BCR: variants seen among roughly 807,000 people sequenced by gnomAD.
BCR encodes the protein breakpoint cluster region protein.
In BCR, 58 loss-of-function variants were observed where a neutral mutation model predicts 138.6. That is an observed-to-expected ratio of 0.42 (90% CI 0.34 to 0.52). The LOEUF is 0.52. Ranked by LOEUF, BCR falls within the 20% of genes least tolerant of loss-of-function variation. The pLI is 0.06. For missense variants in BCR, 1,599 were observed against 1,727.2 expected (o/e 0.93, Z 1.32); for synonymous variants, 786 against 730.1 (o/e 1.08, Z -1.23).
intron 19 of BCR, chr22:23,312,382 C>T (rs1215784165): frequency 4.4e-5 from 8 of 181,150 alleles, no homozygotes; most frequent in Non-Finnish European, 8.3e-5. Context: ...ACCAGGACCC[C>T]TAGAATGCCC....
At chr22:23,306,577 T>C (rs2073955914) in intron 16 of BCR, among the ~76,000 whole-genome samples, 1 of 152,124 alleles carries the variant, frequency 6.6e-6, no homozygotes, top group Non-Finnish European at 1.5e-5. Context: ...TGGAGACACG[T>C]TGGAAATTCC....
intron 2 of BCR, among the ~76,000 whole-genome samples, chr22:23,257,138 A>G (rs2073303424): frequency 6.6e-6 from 1 of 152,026 alleles, no homozygotes; most frequent in Non-Finnish European, 1.5e-5. Context: ...CTCTGCATGG[A>G]CTTGGCTGAT....
At position 23,285,196 on chromosome 22, in the gene BCR, G is replaced by A; in HGVS notation, c.2401G>A (p.Glu801Lys). Residue 801 changes from glutamate (E) to lysine (K), a missense_variant, in exon 10 of 23, where the codon GAG becomes AAG. Coordinates refer to ENST00000305877, the MANE Select transcript of BCR (RefSeq NM_004327.4). ...CCAGATCAAGAATGACATCCAGAGAGAGAAGGTGCACACCAGGGGAGCAAG... is the reference window on the plus strand; with the variant it reads ...CCAGATCAAGAATGACATCCAGAGAAAGAAGGTGCACACCAGGGGAGCAAG... ...ISQIKNDIQREKRANKGSKAT... is the reference protein window; with the variant it reads ...ISQIKNDIQRKKRANKGSKAT... 6.2e-7 allele frequency: 1 copy of A among 1,612,040 alleles called. No individual in the cohort carries two copies. Among genetic ancestry groups the A allele is most frequent in the Non-Finnish European group, 8.5e-7 (1 of 1,179,346 alleles).
At chr22:23,217,075 T>C in intron 1 of BCR, 2 of 448,258 alleles carry the variant, frequency 4.5e-6, no homozygotes, top group South Asian at 3.2e-5. Context: ...TCTCAGGGGC[T>C]CTGGTGATTG....
chr22:23,199,198 G>A lies in BCR; in HGVS notation c.1279+16959G>A, dbSNP rs763209433. On this transcript the variant is annotated intron_variant, in intron 1 of 22. Transcript: ENST00000305877. ...ACATAAGTCTGGTTTCCTCTCTCATGGCATTTCTTTAGTGGCCAGATGGTG... is the reference window on the plus strand; with the variant it reads ...ACATAAGTCTGGTTTCCTCTCTCATAGCATTTCTTTAGTGGCCAGATGGTG... 27 of 474,646 alleles carry A rather than the reference G, an allele frequency of 5.7e-5. No individual in the cohort carries two copies. The Admixed American group carries it at 6.1e-4, about 11-fold the overall frequency. The allele number at this position is 474,646 out of a possible 1,614,324, so 29.4% of individuals were successfully genotyped here. A position where few individuals can be genotyped will look rare whatever the true frequency, so the allele number is the denominator to read the frequency against.
intron 1 of BCR, among the ~76,000 whole-genome samples, chr22:23,208,193 C>G (rs1471852079): frequency 1.3e-5 from 2 of 152,184 alleles, no homozygotes; most frequent in Admixed American, 1.3e-4. Flanking sequence ...CAATTGGGCC[C>G]TCTGGCATTT....
At chr22:23,261,333 C>T in intron 3 of BCR, 22 bp from the exon 4 acceptor site, 2 of 1,604,964 alleles carry the variant, frequency 1.2e-6, no homozygotes, top group South Asian at 1.1e-5. Flanking sequence ...ACCTGTGCTA[C>T]CTCACTTGTG....
chr22:23,311,618 T>C (rs966497099), intron 18 of BCR, 79 bp from the exon 19 acceptor site: 45 of 1,307,228 alleles, frequency 3.4e-5, no homozygotes, highest in African/African-American at 8.6e-5. Context: ...CCTCCGGGTG[T>C]GCAGATATGG....
At chr22:23,240,070 A>C (rs1237482790) in intron 1 of BCR, among the ~76,000 whole-genome samples, 1 of 151,940 alleles carries the variant, frequency 6.6e-6, no homozygotes. Flanking sequence ...CTGCCTCCCA[A>C]AGTGCTGGGA....
chr22:23,311,705 G>C lies in BCR; in HGVS notation c.3191G>C (p.Arg1064Thr). The change falls in exon 19 of 23, where the codon AGG becomes ACG. Residue 1064 changes from arginine (R) to threonine (T), a missense_variant. By Grantham distance (71) the Arg-to-Thr change is moderately conservative (BLOSUM62 -1). Transcript: ENST00000305877. ...ATTCCCTCCTCCCGCAGGAGAGAGA[G>C]GTCCAAGGTGCCCTACATCGTGCGC... The part of the protein sequence containing the change: ...VKIAVVTKRE[R>T]SKVPYIVRQC... 1 of 1,607,218 alleles carries C rather than the reference G, an allele frequency of 6.2e-7. No individual in the cohort carries two copies. Among genetic ancestry groups the C allele is most frequent in the Non-Finnish European group, 8.5e-7 (1 of 1,176,748 alleles).
chr22:23,233,571 T>A (rs2072983703), intron 1 of BCR, among the ~76,000 whole-genome samples: 1 of 152,040 alleles, frequency 6.6e-6, no homozygotes, highest in South Asian at 2.1e-4. Context: ...ATGAATCATT[T>A]GAGGTCAAGA....
intron 19 of BCR, 180 bp from the exon 20 acceptor site, chr22:23,312,707 A>C (rs1330896010): frequency 1.0e-5 from 6 of 591,194 alleles, no homozygotes; most frequent in Non-Finnish European, 1.8e-5. Context: ...CACCCCTATC[A>C]ACTCTGCAGA....
intron 1 of BCR, among the ~76,000 whole-genome samples, chr22:23,189,094 A>T (rs569358359): frequency 1.8e-4 from 28 of 152,220 alleles, no homozygotes; most frequent in African/African-American, 6.7e-4. Context: ...TCCTGACCTC[A>T]GGTGATCTGC....
intron 1 of BCR, among the ~76,000 whole-genome samples, chr22:23,211,842 T>A (rs955057376): frequency 6.6e-6 from 1 of 152,078 alleles, no homozygotes; most frequent in African/African-American, 2.4e-5. Context: ...CCTCCAGGGG[T>A]AGGGGCTGGT....
intron 1 of BCR, among the ~76,000 whole-genome samples, chr22:23,250,560 G>A (rs2073213120): frequency 6.6e-6 from 1 of 152,150 alleles, no homozygotes; most frequent in African/African-American, 2.4e-5. Flanking sequence ...AGAACATTTA[G>A]TAGACGCTGA....
At chr22:23,236,249 C>T (rs537674118) in intron 1 of BCR, among the ~76,000 whole-genome samples, 1 of 152,332 alleles carries the variant, frequency 6.6e-6, no homozygotes, top group African/African-American at 2.4e-5. Context: ...CATCTGGTCT[C>T]AGGTGACTCT....
chr22:23,191,183 C>T (rs1014518933), intron 1 of BCR, among the ~76,000 whole-genome samples: 1 of 152,230 alleles, frequency 6.6e-6, no homozygotes, highest in Non-Finnish European at 1.5e-5. Flanking sequence ...CTTCCCGCCT[C>T]GGCCTCCCGA....
At chr22:23,295,958 A>G (rs779380117) in intron 16 of BCR, among the ~76,000 whole-genome samples, 18 of 152,022 alleles carry the variant, frequency 1.2e-4, no homozygotes, top group Non-Finnish European at 2.2e-4. Flanking sequence ...AGGACCTTCC[A>G]TCTTCACAAG....
At chr22:23,301,148 A>G (rs2073898010) in intron 16 of BCR, among the ~76,000 whole-genome samples, 1 of 152,238 alleles carries the variant, frequency 6.6e-6, no homozygotes, top group African/African-American at 2.4e-5. Context: ...TACTAAAAAC[A>G]CAAAAAAATT....
Sources: gnomAD v4.1 joint callset for allele counts (sites outside exome capture counted in the v4.1 genomes callset) on GRCh38, gnomAD v4.1.1 for gene constraint, MANE v1.5 for transcripts, NCBI Gene and HGNC (gene_info 2026-07-23, HGNC 2026-07-21) for gene names.